JMJD1C: variants seen among roughly 807,000 people sequenced by gnomAD.
JMJD1C encodes the protein jumonji domain containing 1C, also known as jumonji domain-containing protein 1C.
Under a neutral mutation model 245.3 loss-of-function variants are expected in JMJD1C, and 31 were observed. The observed-to-expected ratio is 0.13, with a 90% confidence interval of 0.09 to 0.17. The LOEUF (loss-of-function observed/expected upper bound fraction) is 0.17. JMJD1C is among the 10% of genes least tolerant of loss of function. The probability of loss-of-function intolerance (pLI) is 1.00; values close to 1 mark genes in which losing one functional copy is unlikely to be tolerated. For missense variants in JMJD1C, 2,691 were observed against 3,000.2 expected (o/e 0.90, Z 2.41); for synonymous variants, 1,057 against 1,017.4 (o/e 1.04, Z -0.74).
intron 8 of JMJD1C, among the ~76,000 whole-genome samples, chr10:63,212,061 A>G (rs1372211084): frequency 2.0e-5 from 3 of 152,220 alleles, no homozygotes; most frequent in African/African-American, 7.2e-5. Flanking sequence ...AGTAAGCTAA[A>G]TAAGCCAGTA....
chr10:63,464,225 T>C lies in JMJD1C; in HGVS notation c.168+1270A>G, dbSNP rs537214892. On this transcript the variant is annotated intron_variant, in intron 1 of 25. Coordinates refer to ENST00000399262, the MANE Select transcript of JMJD1C (RefSeq NM_032776.3). ...CTTCAAAACTACCTCTATTTTCTGTTAGAAATACCTATCAGCAAAACACAC... is the reference window on the plus strand; with the variant it reads ...CTTCAAAACTACCTCTATTTTCTGTCAGAAATACCTATCAGCAAAACACAC... 9.3e-4 allele frequency among the ~76,000 whole-genome samples: 141 copies of C among 152,254 alleles called. 1 individual carries two copies. The highest frequency in any genetic ancestry group is 3.3e-3 in the African/African-American group (137 of 41,554).
intron 1 of JMJD1C, among the ~76,000 whole-genome samples, chr10:63,476,083 G>C (rs1294064508): frequency 6.6e-6 from 1 of 151,664 alleles, no homozygotes; most frequent in East Asian, 1.9e-4. Flanking sequence ...GGTGGCAGGT[G>C]CCTGTAATCC....
rs1045281646 is a variant in JMJD1C at position 63,322,788 on chromosome 10, G to C, written c.333+57530C>G. Among the ~76,000 whole-genome samples, 3 of 116,152 alleles carry C rather than the reference G, an allele frequency of 2.6e-5. No homozygotes were observed. The Admixed American group carries it at 3.3e-4, about 13-fold the overall frequency. 76.2% of individuals were successfully genotyped at this position (116,152 alleles called of 152,430 possible). ...ACTGGACTCCAGCCTGGGCAACAGA[G>C]TGAGATTCCATCTCAAAAAAAAAAA... On this transcript the variant is annotated intron_variant, in intron 2 of 25. Coordinates refer to ENST00000399262, the MANE Select transcript of JMJD1C (RefSeq NM_032776.3).
intron 1 of JMJD1C, among the ~76,000 whole-genome samples, chr10:63,503,716 G>A (rs1954632853): frequency 6.6e-6 from 1 of 152,168 alleles, no homozygotes; most frequent in Non-Finnish European, 1.5e-5. Flanking sequence ...TGTGAATCCA[G>A]AGCAATTTTT....
intron 2 of JMJD1C, among the ~76,000 whole-genome samples, chr10:63,298,420 G>A (rs959473658): frequency 6.6e-6 from 1 of 152,050 alleles, no homozygotes; most frequent in Non-Finnish European, 1.5e-5. Flanking sequence ...TGGTCTGCTG[G>A]CAACCTTTTG....
chr10:63,406,721 G>T (rs1949194120), intron 1 of JMJD1C, among the ~76,000 whole-genome samples: 1 of 151,934 alleles, frequency 6.6e-6, no homozygotes, highest in Non-Finnish European at 1.5e-5. Context: ...TACAGCACAA[G>T]CAGGTACTGA....
intron 1 of JMJD1C, among the ~76,000 whole-genome samples, chr10:63,501,344 G>A (rs1461642008): frequency 6.6e-6 from 1 of 152,208 alleles, no homozygotes; most frequent in Non-Finnish European, 1.5e-5. Flanking sequence ...CTGTGAAAAA[G>A]ATACTGATGT....
At chr10:63,254,868 TTA>T (rs1257039259) in intron 3 of JMJD1C, among the ~76,000 whole-genome samples, 1 of 151,326 alleles carries the variant, frequency 6.6e-6, no homozygotes, top group Non-Finnish European at 1.5e-5. Context: ...CCTTTTTTTT[TTA>T]TGAGATAGGG....
Position 63,258,960 on chromosome 10 carries a change from G to C in JMJD1C, c.447+5691C>G, listed in dbSNP as rs187868773. ...GAACTGTAGGACAAAAATAATTACG[G>C]AAGTATACTAATAAATACTGTACCA... On this transcript the variant is annotated intron_variant, in intron 3 of 25. Transcript: ENST00000399262. Among the ~76,000 whole-genome samples, 169 of 152,192 alleles carry C rather than the reference G, an allele frequency of 1.1e-3. 1 individual carries two copies. The highest frequency in any genetic ancestry group is 3.7e-3 in the African/African-American group (155 of 41,522).
At chr10:63,277,755 T>TTTTTTA (rs1856961413) in intron 2 of JMJD1C, among the ~76,000 whole-genome samples, 1 of 101,174 alleles carries the variant, frequency 9.9e-6, no homozygotes, top group Non-Finnish European at 2.0e-5. Flanking sequence ...TTTTTTTTTT[T>TTTTTTA]GAGACAGAGT....
At chr10:63,492,731 TAATAAA>T (rs2133222203) in intron 1 of JMJD1C, among the ~76,000 whole-genome samples, 1 of 151,896 alleles carries the variant, frequency 6.6e-6, no homozygotes, top group African/African-American at 2.4e-5. Context: ...AAAAGCACAT[TAATAAA>T]AATAATCACT....
At chr10:63,337,843 A>G (rs898373024) in intron 2 of JMJD1C, among the ~76,000 whole-genome samples, 1 of 152,146 alleles carries the variant, frequency 6.6e-6, no homozygotes, top group Non-Finnish European at 1.5e-5. Flanking sequence ...TGTTATTACT[A>G]TAGTAAGAAA....
At chr10:63,218,917 A>C (rs1178292703) in intron 4 of JMJD1C, among the ~76,000 whole-genome samples, 1 of 152,180 alleles carries the variant, frequency 6.6e-6, no homozygotes, top group Non-Finnish European at 1.5e-5. Context: ...TTTTAAATTT[A>C]AAAACAATTA....
chr10:63,272,562 T>C (rs1156651523), intron 2 of JMJD1C, among the ~76,000 whole-genome samples: 1 of 152,182 alleles, frequency 6.6e-6, no homozygotes, highest in East Asian at 1.9e-4. Flanking sequence ...AAGGTAACTT[T>C]AGAACGAAGT....
In JMJD1C at chr10:63,167,953, T is replaced by C. The variant is rs1313988980; in HGVS notation, c.*92A>G. The stretch of plus-strand genomic sequence containing the variant: ...AGAGAATTTCTTGGCACTGATGGTT[T>C]TATGAAGCTTAAAGTCAGTGTGCAT... On this transcript the variant is annotated 3_prime_UTR_variant, in exon 26 of 26. Transcript: ENST00000399262. The C allele has an allele frequency of 1.3e-6, 1 of 776,720 alleles. No homozygotes were observed. Among genetic ancestry groups the C allele is most frequent in the African/African-American group, 1.7e-5 (1 of 58,542 alleles). The allele number at this position is 776,720 out of a possible 1,614,324, so 48.1% of individuals were successfully genotyped here. A position where few individuals can be genotyped will look rare whatever the true frequency, so the allele number is the denominator to read the frequency against.
At position 63,369,511 on chromosome 10, in the gene JMJD1C, C is replaced by A. The variant is rs530422583; in HGVS notation, c.333+10807G>T. 2.0e-5 allele frequency among the ~76,000 whole-genome samples: 3 copies of A among 151,996 alleles called. No homozygotes were observed. The South Asian group carries it at 6.2e-4, about 32-fold the overall frequency. On this transcript the variant is annotated intron_variant, in intron 2 of 25. Transcript: ENST00000399262. Reference sequence around the variant, plus strand: ...TAAGATACAAAAATAGTGGTAAATCCGGGGGAAAATGAGTAATTAAATTAG... The same window carrying A: ...TAAGATACAAAAATAGTGGTAAATCAGGGGGAAAATGAGTAATTAAATTAG...
chr10:63,279,049 A>C (rs1411883787), intron 2 of JMJD1C, among the ~76,000 whole-genome samples: 1 of 152,104 alleles, frequency 6.6e-6, no homozygotes, highest in Non-Finnish European at 1.5e-5. Flanking sequence ...CAAGAGTTTT[A>C]GACTAGCCTG....
Position 63,206,934 on chromosome 10 carries a change from T to C in JMJD1C, c.4735A>G (p.Ile1579Val). ...ENSGNSVSEIIKPCSVNLIAS... is the reference protein window; with the variant it reads ...ENSGNSVSEIVKPCSVNLIAS... ...ATTAAGTTGACAGAACATGGCTTAA[T>C]AATTTCTGATACAGAATTCCCTGAA... Residue 1579 changes from isoleucine to valine, a missense_variant, in exon 10 of 26, where the codon ATT becomes GTT. By Grantham distance (29) the Ile-to-Val change is conservative. Transcript: ENST00000399262. The C allele has an allele frequency of 6.2e-7, 1 of 1,612,324 alleles. No homozygotes were observed. The highest frequency in any genetic ancestry group is 8.5e-7 in the Non-Finnish European group (1 of 1,179,132).
At chr10:63,200,394 A>T (rs1845886275) in intron 11 of JMJD1C, 82 bp downstream of exon 11, 1 of 1,007,072 alleles carries the variant, frequency 9.9e-7, no homozygotes, top group South Asian at 1.4e-5. Flanking sequence ...CCCATCCAAA[A>T]GGGACACTCA....
Sources: gnomAD v4.1 joint callset for allele counts (sites outside exome capture counted in the v4.1 genomes callset) on GRCh38, gnomAD v4.1.1 for gene constraint, MANE v1.5 for transcripts, NCBI Gene and HGNC (gene_info 2026-07-23, HGNC 2026-07-21) for gene names.